The following LOC400499 variants were observed in gnomAD, a reference collection of about 807,000 sequenced individuals.
the LOC400499 span, among the ~76,000 whole-genome samples, chr16:11,430,111 TTCTTG>T: frequency 6.6e-6 from 1 of 152,154 alleles, no homozygotes; most frequent in Non-Finnish European, 1.5e-5. Context: ...CCAACAGGCT[TTCTTG>T]AAAGCAGGCA....
At chr16:11,437,222 T>C in the LOC400499 span, among the ~76,000 whole-genome samples, 1 of 152,162 alleles carries the variant, frequency 6.6e-6, no homozygotes, top group Non-Finnish European at 1.5e-5. Flanking sequence ...CTGTTATGAA[T>C]GATGCCGTAA....
At chr16:11,447,139 C>T in the LOC400499 span, among the ~76,000 whole-genome samples, 29 of 152,260 alleles carry the variant, frequency 1.9e-4, no homozygotes, top group Non-Finnish European at 1.6e-4. Context: ...CTGGGGTCCC[C>T]GTCGCCATTT....
chr16:11,508,809 C>G, the LOC400499 span: 2 of 399,010 alleles, frequency 5.0e-6, no homozygotes, highest in African/African-American at 4.1e-5. Context: ...CCCACTCATA[C>G]AGCAGGCTGC....
chr16:11,399,348 G>C, the LOC400499 span: 4 of 944,798 alleles, frequency 4.2e-6, no homozygotes, highest in Non-Finnish European at 5.5e-6. Flanking sequence ...CAGCAGAGAA[G>C]TAAGTTGCCC....
At chr16:11,451,781 T>A in the LOC400499 span, among the ~76,000 whole-genome samples, 1 of 152,096 alleles carries the variant, frequency 6.6e-6, no homozygotes, top group Non-Finnish European at 1.5e-5. Context: ...AGATTTACTG[T>A]CTGGGGAAAC....
chr16:11,494,147 G>A, the LOC400499 span, among the ~76,000 whole-genome samples: 12 of 96,052 alleles, frequency 1.2e-4, no homozygotes, highest in African/African-American at 5.1e-4. Context: ...GGGGGAGGCA[G>A]TGGCCTGGGC....
chr16:11,493,681 G>T, the LOC400499 span: 1 of 397,260 alleles, frequency 2.5e-6, no homozygotes, highest in Admixed American at 4.4e-5. Context: ...GGCCTGGATG[G>T]CCCCCAGCCG....
chr16:11,462,433 T>A, the LOC400499 span: 3 of 1,282,272 alleles, frequency 2.3e-6, no homozygotes, highest in East Asian at 6.1e-5. Flanking sequence ...CCTTACCCAA[T>A]TTTTCTTTTT....
At chr16:11,427,100 G>C in the LOC400499 span, among the ~76,000 whole-genome samples, 1 of 151,772 alleles carries the variant, frequency 6.6e-6, no homozygotes, top group Non-Finnish European at 1.5e-5. Context: ...GCTCACACCT[G>C]TAATCCCAGC....
the LOC400499 span, among the ~76,000 whole-genome samples, chr16:11,373,245 CCAT>C: frequency 1.3e-5 from 2 of 152,196 alleles, no homozygotes; most frequent in South Asian, 2.1e-4. Context: ...TGCTGTTTCA[CCAT>C]CAAGTGGGGT....
At chr16:11,383,560 G>C in the LOC400499 span, 33 of 1,205,594 alleles carry the variant, frequency 2.7e-5, no homozygotes, top group Non-Finnish European at 3.4e-5. Flanking sequence ...CCTCCCTGGT[G>C]AGAGAAAGGG....
At chr16:11,423,730 T>C in the LOC400499 span, among the ~76,000 whole-genome samples, 1 of 152,284 alleles carries the variant, frequency 6.6e-6, no homozygotes. Context: ...AGAGGACAGC[T>C]GCGGGTGTGA....
At chr16:11,398,519 G>C in the LOC400499 span, 1 of 1,231,218 alleles carries the variant, frequency 8.1e-7, no homozygotes. Flanking sequence ...TCTGGAATGA[G>C]AGGGCCTATG....
the LOC400499 span, among the ~76,000 whole-genome samples, chr16:11,413,995 T>A: frequency 6.6e-6 from 1 of 152,052 alleles, no homozygotes; most frequent in East Asian, 1.9e-4. Context: ...AGGATGAGAC[T>A]GACGAACGCC....
chr16:11,437,866 C>T, the LOC400499 span, among the ~76,000 whole-genome samples: 1 of 152,162 alleles, frequency 6.6e-6, no homozygotes, highest in East Asian at 1.9e-4. Flanking sequence ...GAGACTCGGT[C>T]TCGAAAAATA....
the LOC400499 span, among the ~76,000 whole-genome samples, chr16:11,444,412 C>G: frequency 2.0e-5 from 3 of 152,056 alleles, no homozygotes; most frequent in Non-Finnish European, 1.5e-5. Context: ...AAAAAAGACC[C>G]TCTAAGTCAG....
chr16:11,385,613 G>C, the LOC400499 span, among the ~76,000 whole-genome samples: 3 of 152,222 alleles, frequency 2.0e-5, no homozygotes, highest in Admixed American at 6.5e-5. Flanking sequence ...TGAGCTGAAG[G>C]TCTACTGGCA....
At chr16:11,395,437 A>ACGG in the LOC400499 span, among the ~76,000 whole-genome samples, 1 of 152,306 alleles carries the variant, frequency 6.6e-6, no homozygotes, top group South Asian at 2.1e-4. Flanking sequence ...TCCATCAGGC[A>ACGG]CGGGGCTTAC....
At chr16:11,435,838 G>A in the LOC400499 span, 1 of 399,158 alleles carries the variant, frequency 2.5e-6, no homozygotes, top group Non-Finnish European at 4.4e-6. Context: ...ATAGAGACCC[G>A]TTGAGGCTGC....
Sources: gnomAD v4.1 joint callset for allele counts (sites outside exome capture counted in the v4.1 genomes callset) on GRCh38, gnomAD v4.1.1 for gene constraint, MANE v1.5 for transcripts.